Variants in TSBP1 observed in about 807,000 individuals in gnomAD.
The protein encoded by TSBP1 is testis-expressed basic protein 1.
In TSBP1, 56 loss-of-function variants were observed where a neutral mutation model predicts 68.8. That is an observed-to-expected ratio of 0.81 (90% confidence interval 0.66 to 1.02). TSBP1 has a LOEUF of 1.02. TSBP1 is among the 50% of genes least tolerant of loss of function. The pLI is 0.00. For missense variants in TSBP1, 502 were observed against 641.2 expected (o/e 0.78, Z 2.34); for synonymous variants, 171 against 208.7 (o/e 0.82, Z 1.56).
At chr6:32,349,252 G>A (rs1361347534) in intron 9 of TSBP1, among the ~76,000 whole-genome samples, 1 of 147,948 alleles carries the variant, frequency 6.8e-6, no homozygotes, top group African/African-American at 2.5e-5. Context: ...AACCAGGAAC[G>A]CCTGGGAGCA....
At chr6:32,341,192 G>A (rs1289846524) in intron 9 of TSBP1, among the ~76,000 whole-genome samples, 1 of 152,120 alleles carries the variant, frequency 6.6e-6, no homozygotes. Flanking sequence ...GCCTTACAGA[G>A]TAAAGAAGAA....
rs1468356185 is a variant in TSBP1 at position 32,361,188 on chromosome 6, G to A, written c.217+4979C>T. On this transcript the variant is annotated intron_variant, in intron 6 of 22. Coordinates refer to ENST00000612031, the Ensembl canonical transcript of TSBP1. The surrounding 1 kb of genome is among the most constrained non-coding windows in gnomAD (Gnocchi z 4.3). ...AATGATGGTTTCCAGCTTCATCCAT[G>A]TCCCTACAAAGGACATGAACTCATC... 1.3e-5 allele frequency among the ~76,000 whole-genome samples: 2 copies of A among 152,080 alleles called. No homozygotes were observed. The highest frequency in any genetic ancestry group is 4.8e-5 in the African/African-American group (2 of 41,390).
At chr6:32,318,846 C>T (rs1250910101) in intron 18 of TSBP1, among the ~76,000 whole-genome samples, 1 of 152,048 alleles carries the variant, frequency 6.6e-6, no homozygotes, top group Non-Finnish European at 1.5e-5. Context: ...GTGATGGTTG[C>T]ACAACCCAGT....
At chr6:32,370,415 A>G (rs28986325) in intron 1 of TSBP1, among the ~76,000 whole-genome samples, 482 of 25,578 alleles carry the variant, frequency 0.019, 6 homozygotes, top group South Asian at 0.03. Context: ...CTGTATATAT[A>G]TATATATATA....
At chr6:32,347,225 G>A (rs757367857) in intron 9 of TSBP1, among the ~76,000 whole-genome samples, 4 of 148,768 alleles carry the variant, frequency 2.7e-5, no homozygotes, top group East Asian at 2.0e-4. Flanking sequence ...GTGCAGTGGC[G>A]TAATCACAAT....
chr6:32,342,849 G>A (rs1770534179), intron 9 of TSBP1, among the ~76,000 whole-genome samples: 1 of 152,150 alleles, frequency 6.6e-6, no homozygotes, highest in African/African-American at 2.4e-5. Context: ...CATAGTCAAG[G>A]GAGGATCTGT....
chr6:32,314,007 G>A lies in TSBP1; in HGVS notation c.580+1765C>T, dbSNP rs9268211. 0.019 allele frequency among the ~76,000 whole-genome samples: 2,964 copies of A among 152,084 alleles called. 48 individuals carry two copies. Among genetic ancestry groups the A allele is most frequent in the Middle Eastern group, 0.037 (11 of 294 alleles). ...TGTCCACCATCTAGGATCAGGTGTT[G>A]AAACCCTACCTTTGTTCCTGAGGCA... is the stretch of plus-strand genomic sequence containing the variant. On this transcript the variant is annotated intron_variant, in intron 19 of 22. Coordinates refer to ENST00000612031, the Ensembl canonical transcript of TSBP1. This position sits in a 1 kb window ranked among gnomAD's most constrained non-coding sequence, Gnocchi z 4.2.
intron 18 of TSBP1, among the ~76,000 whole-genome samples, chr6:32,318,481 A>G (rs1767215281): frequency 6.6e-6 from 1 of 152,230 alleles, no homozygotes; most frequent in Non-Finnish European, 1.5e-5. Flanking sequence ...AGTTGATACT[A>G]CTTATCATAA....
intron 1 of TSBP1, among the ~76,000 whole-genome samples, chr6:32,370,441 A>ATATATATATC (rs1774274748): frequency 1.4e-5 from 2 of 138,078 alleles, no homozygotes; most frequent in Admixed American, 7.2e-5. Context: ...ATATATATAT[A>ATATATATATC]TATGGCTATA....
chr6:32,364,324 T>C (rs1773403946), intron 6 of TSBP1, among the ~76,000 whole-genome samples: 1 of 152,120 alleles, frequency 6.6e-6, no homozygotes, highest in Non-Finnish European at 1.5e-5. Flanking sequence ...TTATTTCTCT[T>C]TTCCTCTGAG....
At chr6:32,331,953 A>G in intron 15 of TSBP1, 81 bp downstream of exon 16, 5 of 975,320 alleles carry the variant, frequency 5.1e-6, no homozygotes, top group Non-Finnish European at 8.1e-6. Context: ...TTTAACCCAG[A>G]TACTTAAACA....
rs867335669 is a variant in TSBP1, at chr6:32,329,828, C to A, written c.514+761G>T. ...AATGCTATCCCTTAATTTCTAGATT[C>A]AGAATTTCCCGTGTCCTGGGGTTGG... On this transcript the variant is annotated intron_variant, in intron 16 of 22. Coordinates refer to ENST00000612031, the Ensembl canonical transcript of TSBP1. 3.1e-4 allele frequency among the ~76,000 whole-genome samples: 47 copies of A among 152,314 alleles called. 1 individual carries two copies. Among genetic ancestry groups the A allele is most frequent in the African/African-American group, 1.1e-3 (46 of 41,564 alleles).
intron 1 of TSBP1, among the ~76,000 whole-genome samples, chr6:32,371,288 G>C (rs775587121): frequency 6.6e-6 from 1 of 152,076 alleles, no homozygotes; most frequent in Non-Finnish European, 1.5e-5. Context: ...GAAATGCCCT[G>C]TCTATAGGGC....
intron 2 of TSBP1, among the ~76,000 whole-genome samples, chr6:32,369,204 A>C (rs1774105234): frequency 6.6e-6 from 1 of 151,884 alleles, no homozygotes; most frequent in African/African-American, 2.4e-5. Context: ...CATCTCCCCA[A>C]ATTAAGTCAC....
intron 22 of TSBP1, chr6:32,294,265 A>G: frequency 1.6e-6 from 1 of 609,678 alleles, no homozygotes; most frequent in South Asian, 2.0e-5. Flanking sequence ...AAAAGGTAAA[A>G]TGTACTGTAA....
intron 4 of TSBP1, 143 bp downstream of exon 4, chr6:32,367,782 A>AGAGG: frequency 2.4e-6 from 1 of 420,424 alleles, no homozygotes; most frequent in Non-Finnish European, 3.8e-6. Context: ...TTCTTGAGAA[A>AGAGG]GAGAGGAGTG....
intron 19 of TSBP1, among the ~76,000 whole-genome samples, chr6:32,311,456 C>T (rs1156307274): frequency 6.6e-6 from 1 of 152,200 alleles, no homozygotes; most frequent in Non-Finnish European, 1.5e-5. Flanking sequence ...CATTACCCTC[C>T]TCAGCAAACT....
In TSBP1 at chr6:32,336,547, T is replaced by TC; in HGVS notation, c.430+67dup. On this transcript the variant is annotated intron_variant, in intron 12 of 22. Coordinates refer to ENST00000612031, the Ensembl canonical transcript of TSBP1. The surrounding 1 kb of genome is among the most constrained non-coding windows in gnomAD (Gnocchi z 5.2). Reference sequence around the variant, plus strand: ...ATTATTTTTAAAAATGCAGGGCAGATCAGGCCCCAAGACCTTGTAGGTCAG... The same window carrying TC: ...ATTATTTTTAAAAATGCAGGGCAGATCCAGGCCCCAAGACCTTGTAGGTCAG... 7.7e-7 allele frequency: 1 copy of TC among 1,301,338 alleles called. No individual in the cohort carries two copies. Among genetic ancestry groups the TC allele is most frequent in the Non-Finnish European group, 1.1e-6 (1 of 901,570 alleles). 80.6% of individuals were successfully genotyped at this position (1,301,338 alleles called of 1,614,324 possible).
chr6:32,320,613 G>T (rs1169936403), intron 18 of TSBP1, among the ~76,000 whole-genome samples: 1 of 151,164 alleles, frequency 6.6e-6, no homozygotes, highest in African/African-American at 2.4e-5. Context: ...TTCAATTTCT[G>T]CTCCTTGGAA....
Sources: gnomAD v4.1 joint callset for allele counts (sites outside exome capture counted in the v4.1 genomes callset) on GRCh38, gnomAD v4.1.1 for gene constraint, Gnocchi (gnomAD v3.1) non-coding constraint, MANE v1.5 for transcripts, NCBI Gene and HGNC (gene_info 2026-07-23, HGNC 2026-07-21) for gene names.